The following EVC variants were observed in gnomAD, a reference collection of about 807,000 sequenced individuals.
The protein encoded by EVC is EvC ciliary complex subunit 1.
A neutral mutation model predicts 118.9 loss-of-function variants in EVC; 116 were observed. The ratio of observed to expected loss-of-function variants is 0.98; its 90% CI spans 0.84 to 1.14. The LOEUF (loss-of-function observed/expected upper bound fraction) is 1.14, where lower values mean the gene tolerates loss of function less well. EVC is among the 50% of genes most tolerant of loss of function. The pLI is 0.00. For synonymous variants in EVC, 619 were observed against 534.7 expected, an observed-to-expected ratio of 1.16 and a Z score of -2.18; for missense variants, 1,401 against 1,246.4, an observed-to-expected ratio of 1.12 and a Z score of -1.87.
intron 11 of EVC, among the ~76,000 whole-genome samples, chr4:5,766,717 T>G (rs1732920994): frequency 7.4e-6 from 1 of 134,272 alleles, no homozygotes; most frequent in Non-Finnish European, 1.6e-5. Flanking sequence ...GCTTCTGCAT[T>G]CTTCACGTAG....
chr4:5,794,843 C>T (rs1713646381), intron 13 of EVC, among the ~76,000 whole-genome samples: 1 of 152,178 alleles, frequency 6.6e-6, no homozygotes, highest in Admixed American at 6.5e-5. Flanking sequence ...CAGCTCCCAT[C>T]ACCCAGGTAG....
intron 11 of EVC, among the ~76,000 whole-genome samples, chr4:5,765,395 G>A (rs1370144606): frequency 8.9e-6 from 1 of 112,894 alleles, no homozygotes; most frequent in Non-Finnish European, 1.9e-5. Context: ...TTGGGGTGGA[G>A]AGTTCTGTAG....
intron 6 of EVC, among the ~76,000 whole-genome samples, chr4:5,744,445 C>G (rs924625544): frequency 6.6e-6 from 1 of 152,056 alleles, no homozygotes; most frequent in Non-Finnish European, 1.5e-5. Flanking sequence ...CACACACTAT[C>G]TTGGGGTTTG....
chr4:5,828,982 A>T, the EVC span, among the ~76,000 whole-genome samples: 4 of 152,294 alleles, frequency 2.6e-5, no homozygotes, highest in Admixed American at 2.6e-4. Flanking sequence ...GGACATAAAA[A>T]TAAGTAAAAT....
intron 2 of EVC, among the ~76,000 whole-genome samples, chr4:5,724,547 C>A (rs1372317548): frequency 6.6e-6 from 1 of 152,156 alleles, no homozygotes; most frequent in Admixed American, 6.5e-5. Context: ...GAGTTCAGAT[C>A]CCGGTTCTAG....
At chr4:5,770,103 T>C (rs1733711439) in intron 11 of EVC, among the ~76,000 whole-genome samples, 1 of 152,080 alleles carries the variant, frequency 6.6e-6, no homozygotes, top group South Asian at 2.1e-4. Flanking sequence ...TGTCCTCTCC[T>C]GGTGGAGCTG....
intron 11 of EVC, among the ~76,000 whole-genome samples, chr4:5,769,910 G>C (rs932564660): frequency 1.3e-5 from 2 of 152,104 alleles, no homozygotes; most frequent in Non-Finnish European, 2.9e-5. Flanking sequence ...TCTGATGTCA[G>C]ATGCAAGTTT....
intron 14 of EVC, among the ~76,000 whole-genome samples, chr4:5,797,842 C>T (rs1714261685): frequency 6.6e-6 from 1 of 152,174 alleles, no homozygotes; most frequent in Non-Finnish European, 1.5e-5. Context: ...GGGACAGGTG[C>T]AGTTGTCATT....
At chr4:5,776,289 A>G (rs1393190538) in intron 11 of EVC, among the ~76,000 whole-genome samples, 1 of 152,008 alleles carries the variant, frequency 6.6e-6, no homozygotes, top group Non-Finnish European at 1.5e-5. Flanking sequence ...GTGTCTAGTC[A>G]TGTTTTGTTT....
At chr4:5,736,980 G>A (rs939202862) in intron 5 of EVC, among the ~76,000 whole-genome samples, 7 of 152,200 alleles carry the variant, frequency 4.6e-5, no homozygotes, top group African/African-American at 1.7e-4. Context: ...AGCTGAGATA[G>A]GCTGAAAGCT....
At position 5,810,333 on chromosome 4, in the gene EVC, C is replaced by G. The variant is rs1716689331; in HGVS notation, c.2783-6C>G. The G allele has an allele frequency of 6.2e-7, 1 of 1,610,536 alleles. No individual in the cohort carries two copies. The highest frequency in any genetic ancestry group is 8.5e-7 in the Non-Finnish European group (1 of 1,177,758). On this transcript the variant is annotated splice_polypyrimidine_tract_variant and splice_region_variant and intron_variant, in intron 19 of 20. Transcript: ENST00000264956. ...AGCCATGCCTGGGTTCATCTGTCCT[C>G]TACAGAGAAGCCCCTAAGGACTAAA...
intron 11 of EVC, among the ~76,000 whole-genome samples, chr4:5,775,659 C>T (rs79619364): frequency 0.076 from 11,539 of 152,206 alleles, 479 homozygotes; most frequent in Middle Eastern, 0.14. Context: ...TATAAATACA[C>T]TGCCATACAT....
intron 2 of EVC, among the ~76,000 whole-genome samples, chr4:5,728,673 A>T (rs1726260387): frequency 6.6e-6 from 1 of 152,188 alleles, no homozygotes; most frequent in Non-Finnish European, 1.5e-5. Context: ...TGAGGTTCAG[A>T]GGAGTTAGAA....
chr4:5,741,867 T>G, intron 6 of EVC, 53 bp downstream of exon 6: 1 of 954,554 alleles, frequency 1.0e-6, no homozygotes, highest in Non-Finnish European at 1.6e-6. Flanking sequence ...TATTATAATA[T>G]ATACAACTTA....
chr4:5,819,839 C>T, the EVC span, among the ~76,000 whole-genome samples: 1 of 152,242 alleles, frequency 6.6e-6, no homozygotes, highest in Admixed American at 6.5e-5. Flanking sequence ...GTTAGTTAAC[C>T]TTGTTTCAAG....
downstream of EVC, among the ~76,000 whole-genome samples, chr4:5,818,875 G>A (rs1014430949): frequency 7.2e-5 from 11 of 152,224 alleles, no homozygotes; most frequent in South Asian, 1.5e-3. Context: ...ACAGAAAATC[G>A]GTAACAGAAG....
At chr4:5,715,921 T>G (rs903139507) in intron 1 of EVC, among the ~76,000 whole-genome samples, 1 of 152,068 alleles carries the variant, frequency 6.6e-6, no homozygotes, top group African/African-American at 2.4e-5. Flanking sequence ...TTTTTGTATT[T>G]TTAGTAGAGA....
At chr4:5,720,700 C>T (rs188471253) in intron 2 of EVC, among the ~76,000 whole-genome samples, 11 of 152,278 alleles carry the variant, frequency 7.2e-5, no homozygotes, top group Admixed American at 2.0e-4. Flanking sequence ...CCTTGGCCAA[C>T]GTGGACGGGG....
chr4:5,721,693 C>G (rs1441336525), intron 2 of EVC, among the ~76,000 whole-genome samples: 4 of 152,042 alleles, frequency 2.6e-5, no homozygotes, highest in Non-Finnish European at 4.4e-5. Context: ...ATGGTGAAAC[C>G]CCATCTCTAG....
Sources: allele counts gnomAD v4.1 joint callset (sites outside exome capture counted in the v4.1 genomes callset), GRCh38; gene constraint gnomAD v4.1.1; transcripts MANE v1.5; gene names NCBI Gene and HGNC (gene_info 2026-07-23, HGNC 2026-07-21).